Variants in SHE observed in about 807,000 individuals in gnomAD.
The protein encoded by SHE is SH2 domain-containing adapter protein E.
Under a neutral mutation model 49.8 loss-of-function variants are expected in SHE, and 11 were observed. The observed-to-expected ratio is 0.22, with a 90% CI of 0.14 to 0.37. The LOEUF (loss-of-function observed/expected upper bound fraction) is 0.37. Ranked by LOEUF, SHE falls within the 10% of genes least tolerant of loss-of-function variation. The pLI is 1.00. For missense variants in SHE, 624 were observed against 655.5 expected (o/e 0.95, Z 0.52); for synonymous variants, 310 against 278.1 (o/e 1.11, Z -1.14).
rs1164873279 is a variant in SHE at position 154,482,560 on chromosome 1, C to G, written c.*1589G>C. 1.0e-6 allele frequency: 1 copy of G among 985,288 alleles called. No individual in the cohort carries two copies. The highest frequency in any genetic ancestry group is 1.1e-4 in the East Asian group (1 of 8,830). 61.0% of individuals were successfully genotyped at this position (985,288 alleles called of 1,614,324 possible). A position where few individuals can be genotyped will look rare whatever the true frequency, so the allele number is the denominator to read the frequency against. On this transcript the variant is annotated 3_prime_UTR_variant, in exon 6 of 6. Coordinates refer to ENST00000304760, the MANE Select transcript of SHE (RefSeq NM_001010846.3). ...ACAAAGGTTAACTTTTCATTGATGA[C>G]AGTCAGTACATTTGCATATGGGGCA...
At chr1:154,497,688 T>G (rs1256431223) in intron 2 of SHE, among the ~76,000 whole-genome samples, 2 of 148,680 alleles carry the variant, frequency 1.3e-5, no homozygotes, top group Non-Finnish European at 1.5e-5. Context: ...TTTTCTTTTC[T>G]TTTTTTTTTG....
At chr1:154,494,273 G>A (rs933045200) in intron 2 of SHE, among the ~76,000 whole-genome samples, 4 of 151,960 alleles carry the variant, frequency 2.6e-5, no homozygotes, top group African/African-American at 4.8e-5. Context: ...GAAATTTAGC[G>A]AGGAGAATAA....
At chr1:154,477,225 C>T (rs1691898113), downstream of SHE, among the ~76,000 whole-genome samples, 1 of 152,156 alleles carries the variant, frequency 6.6e-6, no homozygotes, top group African/African-American at 2.4e-5. Context: ...TCCATGTGCC[C>T]CTCTATGGGT....
chr1:154,500,827 C>G (rs1225122540), intron 1 of SHE, among the ~76,000 whole-genome samples: 1 of 152,170 alleles, frequency 6.6e-6, no homozygotes, highest in Admixed American at 6.5e-5. Context: ...CTCCACAGCC[C>G]TTAATGCCCT....
In SHE at chr1:154,485,833, G is replaced by C. The variant is rs1692160146; in HGVS notation, c.1301+110C>G. 6 of 1,319,332 alleles carry C rather than the reference G, an allele frequency of 4.5e-6. No homozygotes were observed. The South Asian group carries it at 8.6e-5, about 19-fold the overall frequency. The allele number at this position is 1,319,332 out of a possible 1,614,324, so 81.7% of individuals were successfully genotyped here. ...TCCAAACAAATGCCTCTTATTTTCTGCAATGCACACCCCTGTGAAACACCT... is the reference window on the plus strand; with the variant it reads ...TCCAAACAAATGCCTCTTATTTTCTCCAATGCACACCCCTGTGAAACACCT... On this transcript the variant is annotated intron_variant, in intron 5 of 5. Coordinates refer to ENST00000304760, the MANE Select transcript of SHE (RefSeq NM_001010846.3).
chr1:154,481,158 G>A lies in SHE; in HGVS notation c.*2991C>T. ...TCAGCTGGCCATGGAGGTTTAACAA[G>A]GAAGCCATTAGGGACACCCTGCTGG... is the stretch of plus-strand genomic sequence containing the variant. On this transcript the variant is annotated 3_prime_UTR_variant, in exon 6 of 6. Transcript: ENST00000304760. 2 of 985,410 alleles carry A rather than the reference G, an allele frequency of 2.0e-6. No individual in the cohort carries two copies. Among genetic ancestry groups the A allele is most frequent in the Non-Finnish European group, 2.4e-6 (2 of 829,920 alleles). 61.0% of individuals were successfully genotyped at this position (985,410 alleles called of 1,614,324 possible). A position where few individuals can be genotyped will look rare whatever the true frequency, so the allele number is the denominator to read the frequency against.
At position 154,495,749 on chromosome 1, in the gene SHE, C is replaced by G. The variant is rs551858579; in HGVS notation, c.718+3363G>C. On this transcript the variant is annotated intron_variant, in intron 2 of 5. Transcript: ENST00000304760. ...TAGTACATAATAAAAAAAAAAACCTCAAGAAATATTTGTTGGGTATTCTAA... is the reference window on the plus strand; with the variant it reads ...TAGTACATAATAAAAAAAAAAACCTGAAGAAATATTTGTTGGGTATTCTAA... 2.0e-5 allele frequency among the ~76,000 whole-genome samples: 3 copies of G among 151,046 alleles called. No individual in the cohort carries two copies. The South Asian group carries it at 6.3e-4, about 32-fold the overall frequency.
chr1:154,495,957 A>C (rs192596341), intron 2 of SHE, among the ~76,000 whole-genome samples: 161 of 152,250 alleles, frequency 1.1e-3, no homozygotes, highest in Non-Finnish European at 2.0e-3. Context: ...AGTAAAAAAA[A>C]CTCTCATTTC....
rs1426629751 is a variant in SHE, at chr1:154,481,417, G to A, written c.*2732C>T. On this transcript the variant is annotated 3_prime_UTR_variant, in exon 6 of 6. Transcript: ENST00000304760. Reference sequence around the variant, plus strand: ...TACTTTTAATTCTATAAAGAATATAGTATGACTTGTCACAGAGAAACAGTA... The same window carrying A: ...TACTTTTAATTCTATAAAGAATATAATATGACTTGTCACAGAGAAACAGTA... The A allele has an allele frequency of 1.0e-6, 1 of 985,262 alleles. No individual in the cohort carries two copies. The highest frequency in any genetic ancestry group is 1.2e-6 in the Non-Finnish European group (1 of 829,936). 61.0% of individuals were successfully genotyped at this position (985,262 alleles called of 1,614,324 possible). A position where few individuals can be genotyped will look rare whatever the true frequency, so the allele number is the denominator to read the frequency against.
At chr1:154,479,007 G>C (rs1040304786), downstream of SHE, among the ~76,000 whole-genome samples, 1 of 152,152 alleles carries the variant, frequency 6.6e-6, no homozygotes, top group Admixed American at 6.5e-5. Flanking sequence ...TTCCAAATAG[G>C]AGCTTCCAAC....
downstream of SHE, among the ~76,000 whole-genome samples, chr1:154,474,732 T>C (rs865896667): frequency 1.4e-4 from 21 of 152,246 alleles, no homozygotes; most frequent in South Asian, 6.2e-4. Context: ...CTTGAACTCC[T>C]GACCTCAAGT....
At chr1:154,501,390 G>T in intron 1 of SHE, 46 bp downstream of exon 1, 1 of 1,583,444 alleles carries the variant, frequency 6.3e-7, no homozygotes, top group Non-Finnish European at 8.6e-7. Context: ...GGCGCCCAGG[G>T]CTCCCCTTCG....
chr1:154,483,226 C>G lies in SHE; in HGVS notation c.*923G>C, dbSNP rs1692069176. ...CTGATTTGCTAAAAAATGAGAAAAT[C>G]CACAGAGATTGAGAGAACACACACT... is the stretch of plus-strand genomic sequence containing the variant. On this transcript the variant is annotated 3_prime_UTR_variant, in exon 6 of 6. Coordinates refer to ENST00000304760, the MANE Select transcript of SHE (RefSeq NM_001010846.3). 1.0e-6 allele frequency: 1 copy of G among 985,204 alleles called. No individual in the cohort carries two copies. The highest frequency in any genetic ancestry group is 1.2e-6 in the Non-Finnish European group (1 of 829,920). The allele number at this position is 985,204 out of a possible 1,614,324, so 61.0% of individuals were successfully genotyped here.
chr1:154,500,804 CAT>C (rs940273784), intron 1 of SHE, among the ~76,000 whole-genome samples: 6 of 152,222 alleles, frequency 3.9e-5, no homozygotes, highest in Admixed American at 1.3e-4. Context: ...ATTTCCTTGT[CAT>C]ATTCTGTATC....
chr1:154,498,549 C>T (rs1328843187), intron 2 of SHE, among the ~76,000 whole-genome samples: 1 of 151,856 alleles, frequency 6.6e-6, no homozygotes, highest in African/African-American at 2.4e-5. Context: ...AGGTGTGCAC[C>T]ACCACACCCG....
At chr1:154,500,416 AAATG>A (rs1367640447) in intron 1 of SHE, among the ~76,000 whole-genome samples, 3 of 152,192 alleles carry the variant, frequency 2.0e-5, no homozygotes, top group Non-Finnish European at 4.4e-5. Context: ...CAGCATGAAA[AAATG>A]AATGGAAGAA....
At chr1:154,486,391 G>A (rs538084501) in intron 4 of SHE, 136 bp downstream of exon 4, 29 of 1,262,544 alleles carry the variant, frequency 2.3e-5, no homozygotes, top group African/African-American at 2.2e-4. Context: ...TTGAAGATGG[G>A]TTTTCATTAA....
chr1:154,485,108 TCG>T (rs930776051), intron 5 of SHE: 1 of 152,044 alleles, frequency 6.6e-6, no homozygotes, highest in Non-Finnish European at 1.5e-5. Context: ...TTTCCTCCCC[TCG>T]CATCTGGAAA....
chr1:154,494,939 T>C (rs990439995), intron 2 of SHE, among the ~76,000 whole-genome samples: 1 of 152,070 alleles, frequency 6.6e-6, no homozygotes, highest in African/African-American at 2.4e-5. Context: ...GTAATCCCAG[T>C]TACTTGGGAG....
Sources: allele counts gnomAD v4.1 joint callset (sites outside exome capture counted in the v4.1 genomes callset), GRCh38; gene constraint gnomAD v4.1.1; transcripts MANE v1.5; gene names NCBI Gene and HGNC (gene_info 2026-07-23, HGNC 2026-07-21).